PDE1A: variants seen among roughly 807,000 people sequenced by gnomAD.
The protein encoded by PDE1A is phosphodiesterase 1A.
A neutral mutation model predicts 61.7 loss-of-function variants in PDE1A; 35 were observed. That is an observed-to-expected ratio of 0.57 (90% CI 0.43 to 0.75). The LOEUF (loss-of-function observed/expected upper bound fraction) is 0.75. PDE1A is among the 30% of genes least tolerant of loss of function. The pLI, the probability that PDE1A is intolerant of heterozygous loss-of-function variation, is 0.00. For missense variants in PDE1A, 597 were observed against 630.6 expected (o/e 0.95, Z 0.57); for synonymous variants, 232 against 213.2 (o/e 1.09, Z -0.77).
chr2:182,664,896 A>G, the PDE1A span, among the ~76,000 whole-genome samples: 2 of 152,222 alleles, frequency 1.3e-5, no homozygotes, highest in Non-Finnish European at 2.9e-5. Flanking sequence ...TCTCGGGCTT[A>G]AAACAATACA....
chr2:182,658,277 C>A, the PDE1A span, among the ~76,000 whole-genome samples: 1 of 152,162 alleles, frequency 6.6e-6, no homozygotes. Flanking sequence ...CTCCTAGATT[C>A]TGGTGATCAC....
chr2:182,153,961 C>T (rs1690931316), intron 13 of PDE1A, among the ~76,000 whole-genome samples: 1 of 152,268 alleles, frequency 6.6e-6, no homozygotes, highest in Non-Finnish European at 1.5e-5. Flanking sequence ...GCCAAAAATT[C>T]ACATATTCTT....
the PDE1A span, among the ~76,000 whole-genome samples, chr2:182,627,293 A>T: frequency 1.0e-5 from 1 of 98,514 alleles, no homozygotes; most frequent in African/African-American, 4.0e-5. Context: ...ATATAAATAT[A>T]TATTATATAT....
At chr2:182,339,171 A>G (rs1698025198) in intron 1 of PDE1A, among the ~76,000 whole-genome samples, 2 of 152,182 alleles carry the variant, frequency 1.3e-5, no homozygotes, top group South Asian at 4.1e-4. Flanking sequence ...GGAGTCCTTT[A>G]GTAGAACTAA....
At chr2:182,165,471 T>A (rs1188239456), downstream of PDE1A, among the ~76,000 whole-genome samples, 2 of 152,182 alleles carry the variant, frequency 1.3e-5, no homozygotes, top group African/African-American at 4.8e-5. Context: ...TTGATTGGCC[T>A]ACTGTTCCAC....
chr2:182,491,650 G>A (rs148969898), intron 2 of PDE1A, among the ~76,000 whole-genome samples: 417 of 152,282 alleles, frequency 2.7e-3, no homozygotes, highest in African/African-American at 9.5e-3. Flanking sequence ...AGCCCTAAAC[G>A]ATCTACAGCC....
intron 2 of PDE1A, among the ~76,000 whole-genome samples, chr2:182,446,266 G>A (rs1301241349): frequency 6.6e-6 from 1 of 152,092 alleles, no homozygotes; most frequent in Admixed American, 6.6e-5. Context: ...AGAAGAGATT[G>A]TGGACCACTC....
At chr2:182,291,790 T>C (rs532392269) in intron 1 of PDE1A, among the ~76,000 whole-genome samples, 1 of 152,278 alleles carries the variant, frequency 6.6e-6, no homozygotes, top group African/African-American at 2.4e-5. Flanking sequence ...CGAAAGGGCA[T>C]TGCTGAATTT....
chr2:182,307,330 GAATGGATT>G (rs1695653392), intron 1 of PDE1A, among the ~76,000 whole-genome samples: 1 of 152,192 alleles, frequency 6.6e-6, no homozygotes, highest in Non-Finnish European at 1.5e-5. Context: ...CTGCCTTCAT[GAATGGATT>G]AATGCTGTTC....
intron 7 of PDE1A, among the ~76,000 whole-genome samples, chr2:182,212,591 T>A (rs1040556667): frequency 1.7e-4 from 26 of 152,308 alleles, no homozygotes; most frequent in African/African-American, 5.5e-4. Context: ...GGGCGAGGCA[T>A]TGCCTCACTT....
chr2:182,599,560 A>C, the PDE1A span, among the ~76,000 whole-genome samples: 1 of 152,136 alleles, frequency 6.6e-6, no homozygotes, highest in African/African-American at 2.4e-5. Flanking sequence ...AATCCACCAC[A>C]ATGTGCTTCT....
At chr2:182,425,667 A>G (rs1395278458) in intron 1 of PDE1A, among the ~76,000 whole-genome samples, 1 of 152,166 alleles carries the variant, frequency 6.6e-6, no homozygotes, top group Non-Finnish European at 1.5e-5. Context: ...AACCACAGAG[A>G]AATTTTGCTC....
chr2:182,507,528 GC>G, intron 2 of PDE1A, among the ~76,000 whole-genome samples: 1 of 152,082 alleles, frequency 6.6e-6, no homozygotes, highest in Admixed American at 6.6e-5. Context: ...CAGTGCATAA[GC>G]CCTTTCTAAG....
chr2:182,244,370 A>ATT (rs1690794116), intron 2 of PDE1A, among the ~76,000 whole-genome samples: 2 of 13,788 alleles, frequency 1.5e-4, no homozygotes, highest in Non-Finnish European at 2.5e-4. Flanking sequence ...CTTTTTTTAA[A>ATT]AAAACTTTAA....
intron 2 of PDE1A, among the ~76,000 whole-genome samples, chr2:182,470,179 A>T (rs910280815): frequency 3.3e-5 from 5 of 151,922 alleles, no homozygotes; most frequent in African/African-American, 1.2e-4. Context: ...TGTGAAGTGC[A>T]GTAAAGCCAA....
At chr2:182,289,721 A>G (rs144831540) in intron 1 of PDE1A, among the ~76,000 whole-genome samples, 3 of 152,222 alleles carry the variant, frequency 2.0e-5, no homozygotes, top group African/African-American at 7.2e-5. Flanking sequence ...TTTGCCTACT[A>G]ATGGCAAATG....
chr2:182,240,337 G>C lies in PDE1A; in HGVS notation c.168-45C>G, dbSNP rs1452667001. ...TTAAACTTTTTTATAAAAAAGTGAA[G>C]AAAAACATATAACAGAAAAACAAGG... On this transcript the variant is annotated intron_variant, in intron 2 of 13. Coordinates refer to ENST00000351439, the Ensembl canonical transcript of PDE1A. 4.1e-6 allele frequency: 5 copies of C among 1,222,936 alleles called. No homozygotes were observed. In the South Asian group the frequency reaches 9.1e-5, roughly 22 times the overall value. 75.8% of individuals were successfully genotyped at this position (1,222,936 alleles called of 1,614,324 possible).
intron 2 of PDE1A, among the ~76,000 whole-genome samples, chr2:182,255,589 T>C: frequency 6.6e-6 from 1 of 152,198 alleles, no homozygotes; most frequent in Non-Finnish European, 1.5e-5. Context: ...TTTTGCTTAC[T>C]TGAAGACCCT....
chr2:182,277,144 C>T (rs1252911770), intron 1 of PDE1A, among the ~76,000 whole-genome samples: 1 of 151,862 alleles, frequency 6.6e-6, no homozygotes. Flanking sequence ...TCCTTTTTTG[C>T]CCTTTGAAGC....
Sources: gnomAD v4.1 joint callset for allele counts (sites outside exome capture counted in the v4.1 genomes callset) on GRCh38, gnomAD v4.1.1 for gene constraint, MANE v1.5 for transcripts, NCBI Gene and HGNC (gene_info 2026-07-23, HGNC 2026-07-21) for gene names.